The following MAP3K12 variants were observed in gnomAD, a reference collection of about 807,000 sequenced individuals.
MAP3K12 encodes mitogen-activated protein kinase kinase kinase 12.
Under a neutral mutation model 87.5 loss-of-function variants are expected in MAP3K12, and 14 were observed. The ratio of observed to expected loss-of-function variants is 0.16; its 90% confidence interval spans 0.11 to 0.25. The LOEUF is 0.25. MAP3K12 is among the 10% of genes least tolerant of loss of function. The probability of loss-of-function intolerance (pLI) is 1.00; values close to 1 mark genes in which losing one functional copy is unlikely to be tolerated. For synonymous variants in MAP3K12, 469 were observed against 452.5 expected (o/e 1.04, Z -0.46); for missense variants, 802 against 1,140.4 (o/e 0.70, Z 4.27).
intron 6 of MAP3K12, chr12:53,484,725 C>G (rs574675333): frequency 8.9e-6 from 4 of 451,540 alleles, no homozygotes; most frequent in South Asian, 2.5e-5. Context: ...TCCTTTCCTT[C>G]TGTGTTCTAA....
At position 53,483,258 on chromosome 12, in the gene MAP3K12, G is replaced by A. The variant is rs925815439; in HGVS notation, c.1614-69C>T. 5.1e-6 allele frequency: 8 copies of A among 1,562,592 alleles called. No individual in the cohort carries two copies. In the African/African-American group the frequency reaches 9.5e-5, roughly 19 times the overall value. ...TGTACTCAAAGCACTCCCTAACCTTGGACACTAAAGTACACATCTCCCTGC... is the reference window on the plus strand; with the variant it reads ...TGTACTCAAAGCACTCCCTAACCTTAGACACTAAAGTACACATCTCCCTGC... On this transcript the variant is annotated intron_variant, in intron 10 of 13. Coordinates refer to ENST00000547488, the MANE Select transcript of MAP3K12 (RefSeq NM_001193511.2).
chr12:53,500,125 C>T (rs1943651965), upstream of MAP3K12: 1 of 152,160 alleles, frequency 6.6e-6, no homozygotes, highest in Non-Finnish European at 1.5e-5. Flanking sequence ...AACCCCGGCT[C>T]AGAGTAAGAC....
intron 9 of MAP3K12, 45 bp from the exon 10 acceptor site, chr12:53,483,531 G>A (rs1943137233): frequency 6.2e-7 from 1 of 1,613,824 alleles, no homozygotes; most frequent in South Asian, 1.1e-5. Flanking sequence ...GACCAGGAAG[G>A]GGCACCCCAG....
chr12:53,485,291 T>C, intron 5 of MAP3K12, 26 bp downstream of exon 5: 1 of 1,608,120 alleles, frequency 6.2e-7, no homozygotes, highest in Non-Finnish European at 8.5e-7. Context: ...CCACCCACTC[T>C]TCTCAGTTTT....
In MAP3K12 at chr12:53,479,671, G is replaced by GTTTTTTTTTTTTTTTTGGT. The variant is rs879244280; in HGVS notation, c.*1510_*1511insACCAAAAAAAAAAAAAAAA. 8.9e-4 allele frequency: 184 copies of GTTTTTTTTTTTTTTTTGGT among 206,452 alleles called. No homozygotes were observed. Among genetic ancestry groups the GTTTTTTTTTTTTTTTTGGT allele is most frequent in the Middle Eastern group, 6.2e-3 (4 of 644 alleles). 12.8% of individuals were successfully genotyped at this position (206,452 alleles called of 1,614,324 possible). A position where few individuals can be genotyped will look rare whatever the true frequency, so the allele number is the denominator to read the frequency against. On this transcript the variant is annotated 3_prime_UTR_variant, in exon 14 of 14. Transcript: ENST00000547488. ...ATTTAGTTTTATAAGCTTCTCCCTG[G>GTTTTTTTTTTTTTTTTGGT]TTTTTTTTTTTTGGCTCATGAATTT...
At chr12:53,500,728 A>T (rs1393553533), upstream of MAP3K12, 1 of 152,580 alleles carries the variant, frequency 6.6e-6, no homozygotes. Flanking sequence ...GACCGCAAAG[A>T]GCCAGGATCC....
chr12:53,485,530 C>T, intron 4 of MAP3K12, 55 bp from the exon 5 acceptor site: 2 of 1,563,256 alleles, frequency 1.3e-6, no homozygotes, highest in African/African-American at 1.4e-5. Context: ...CCTCATCTAA[C>T]TCTGCAGCAA....
chr12:53,486,567 C>G lies in MAP3K12; in HGVS notation c.501G>C (p.Gly167=). ...GCCCCAGGAAGACAGCACCCTGGGCCCCTGAGCCCACCCACTGCAGGTCCA... is the reference window on the plus strand; with the variant it reads ...GCCCCAGGAAGACAGCACCCTGGGCGCCTGAGCCCACCCACTGCAGGTCCA... ...EILDLQWVGS[G]AQGAVFLGRF... Residue 167 remains glycine (G), a synonymous_variant, in exon 3 of 14, where the codon GGG becomes GGC. Transcript: ENST00000547488. This position sits in a 1 kb window ranked among gnomAD's most constrained non-coding sequence, Gnocchi z 4.9. 6.2e-7 allele frequency: 1 copy of G among 1,613,828 alleles called. No homozygotes were observed. Among genetic ancestry groups the G allele is most frequent in the Non-Finnish European group, 8.5e-7 (1 of 1,179,904 alleles).
At position 53,485,459 on chromosome 12, in the gene MAP3K12, C is replaced by G. The variant is rs760447751; in HGVS notation, c.838G>C (p.Asp280His). 1 of 1,614,006 alleles carries G rather than the reference C, an allele frequency of 6.2e-7. No homozygotes were observed. Among genetic ancestry groups the G allele is most frequent in the Admixed American group, 1.7e-5 (1 of 60,024 alleles). ...AAATCTGAGATCTTCACCACATCGTCGTAGGTGATTAGCATGCTGGTAAAG... is the reference window on the plus strand; with the variant it reads ...AAATCTGAGATCTTCACCACATCGTGGTAGGTGATTAGCATGCTGGTAAAG... ...LKSPNMLITY[D>H]DVVKISDFGT... Residue 280 changes from aspartate (D) to histidine (H), a missense_variant, in exon 5 of 14, where the codon GAC becomes CAC. Asp to His is a moderately conservative substitution (Grantham distance 81). Around this residue, in one of 5 missense-constraint regions of MAP3K12, gnomAD observed 21 missense variants for 136.9 expected, o/e 0.15. Coordinates refer to ENST00000547488, the MANE Select transcript of MAP3K12 (RefSeq NM_001193511.2).
chr12:53,488,648 C>T (rs930139381), intron 1 of MAP3K12, among the ~76,000 whole-genome samples: 4 of 151,090 alleles, frequency 2.6e-5, no homozygotes, highest in East Asian at 2.0e-4. Flanking sequence ...GCAACAAGAG[C>T]GAAACTCTGT....
chr12:53,488,924 GA>G (rs144423759), intron 1 of MAP3K12, among the ~76,000 whole-genome samples: 2 of 113,690 alleles, frequency 1.8e-5, no homozygotes, highest in African/African-American at 5.6e-5. Context: ...TACTTAAAAA[GA>G]AAAAATTAGC....
intron 1 of MAP3K12, among the ~76,000 whole-genome samples, chr12:53,490,613 A>C (rs1425707278): frequency 1.3e-5 from 2 of 150,180 alleles, no homozygotes; most frequent in East Asian, 4.0e-4. Context: ...GTGTGGTGGC[A>C]GGCGCCTGTA....
intron 4 of MAP3K12, 54 bp from the exon 5 acceptor site, chr12:53,485,529 ACT>A (rs1275521208): frequency 4.5e-6 from 7 of 1,559,934 alleles, no homozygotes; most frequent in African/African-American, 4.1e-5. Context: ...ACCTCATCTA[ACT>A]CTGCAGCAAC....
At chr12:53,484,147 A>C in intron 7 of MAP3K12, 110 bp downstream of exon 7, 1 of 1,359,644 alleles carries the variant, frequency 7.4e-7, no homozygotes, top group South Asian at 1.2e-5. Context: ...CAGCCCTCTA[A>C]GAGCCAATCT....
intron 1 of MAP3K12, among the ~76,000 whole-genome samples, chr12:53,492,794 C>A (rs2137227251): frequency 6.6e-6 from 1 of 150,866 alleles, no homozygotes; most frequent in South Asian, 2.1e-4. Flanking sequence ...CAACCCCGGG[C>A]TTCGCTTCTG....
chr12:53,479,676 T>TTTTTTTTTTTTGTTTTG lies in MAP3K12; in HGVS notation c.*1505_*1506insCAAAACAAAAAAAAAAA. ...GTTTTATAAGCTTCTCCCTGGTTTT[T>TTTTTTTTTTTTGTTTTG]TTTTTTTGGCTCATGAATTTTTCTG... is the stretch of plus-strand genomic sequence containing the variant. On this transcript the variant is annotated 3_prime_UTR_variant, in exon 14 of 14. Transcript: ENST00000547488. The TTTTTTTTTTTTGTTTTG allele has an allele frequency of 2.6e-6, 1 of 387,604 alleles. No individual in the cohort carries two copies. The highest frequency in any genetic ancestry group is 4.6e-6 in the Non-Finnish European group (1 of 217,142). The allele number at this position is 387,604 out of a possible 1,614,324, so 24.0% of individuals were successfully genotyped here. A position where few individuals can be genotyped will look rare whatever the true frequency, so the allele number is the denominator to read the frequency against.
rs370048649 is a variant in MAP3K12, at chr12:53,486,268, T to A, written c.630-21A>T. 6.3e-6 allele frequency: 10 copies of A among 1,584,306 alleles called. No individual in the cohort carries two copies. Among genetic ancestry groups the A allele is most frequent in the Non-Finnish European group, 8.6e-6 (10 of 1,163,634 alleles). ...CACCCCTGGGAGCCAAACAATGGTA[T>A]GAAGGCCTCAGCTGGCTCAGCATTC... On this transcript the variant is annotated intron_variant, in intron 3 of 13. Transcript: ENST00000547488. This position sits in a 1 kb window ranked among gnomAD's most constrained non-coding sequence, Gnocchi z 4.9.
In MAP3K12 at chr12:53,482,694, C is replaced by A. The variant is rs1226060766; in HGVS notation, c.2109G>T (p.Gly703=). 6.8e-6 allele frequency: 11 copies of A among 1,614,002 alleles called. No individual in the cohort carries two copies. Among genetic ancestry groups the A allele is most frequent in the Non-Finnish European group, 9.3e-6 (11 of 1,180,014 alleles). The change falls in exon 11 of 14, where the codon GGG becomes GGT. Residue 703 remains glycine (G), a synonymous_variant. Transcript: ENST00000547488. ...GAKGEPPPPV[G]PGEGVGLLGT... Reference sequence around the variant, plus strand: ...CCAGAAGCCCCACACCTTCACCAGGCCCTACTGGAGGAGGTGGTTCCCCTT... The same window carrying A: ...CCAGAAGCCCCACACCTTCACCAGGACCTACTGGAGGAGGTGGTTCCCCTT...
At chr12:53,483,245 A>C (rs1943128600) in intron 10 of MAP3K12, 56 bp from the exon 11 acceptor site, 3 of 1,546,954 alleles carry the variant, frequency 1.9e-6, no homozygotes, top group East Asian at 4.5e-5. Context: ...TACTCAAAGC[A>C]CTCCCTAACC....
Sources: allele counts gnomAD v4.1 joint callset (sites outside exome capture counted in the v4.1 genomes callset), GRCh38; gene constraint gnomAD v4.1.1; regional missense constraint gnomAD v4.1.1; non-coding constraint Gnocchi (gnomAD v3.1); transcripts MANE v1.5; gene names NCBI Gene and HGNC (gene_info 2026-07-23, HGNC 2026-07-21).